The following DHTKD1 variants were observed in gnomAD, a reference collection of about 807,000 sequenced individuals.
DHTKD1 encodes the protein 2-oxoadipate dehydrogenase complex component E1.
In DHTKD1, 78 loss-of-function variants were observed where a neutral mutation model predicts 101.8. The observed-to-expected ratio is 0.77, with a 90% CI of 0.64 to 0.93. DHTKD1 has a LOEUF of 0.93. DHTKD1 is among the 40% of genes least tolerant of loss of function. The pLI is 0.00. For missense variants in DHTKD1, 1,223 were observed against 1,161.7 expected (o/e 1.05, Z -0.77); for synonymous variants, 462 against 450.3 (o/e 1.03, Z -0.33).
intron 8 of DHTKD1, among the ~76,000 whole-genome samples, chr10:12,099,723 T>A (rs1833127021): frequency 6.6e-6 from 1 of 151,628 alleles, no homozygotes; most frequent in Non-Finnish European, 1.5e-5. Context: ...ATATAATTGC[T>A]CTCCTTCTCT....
At position 12,120,182 on chromosome 10, in the gene DHTKD1, A is replaced by C; in HGVS notation, c.2573A>C (p.Asp858Ala). 2 of 1,612,992 alleles carry C rather than the reference A, an allele frequency of 1.2e-6. No homozygotes were observed. Among genetic ancestry groups the C allele is most frequent in the Non-Finnish European group, 1.7e-6 (2 of 1,179,212 alleles). ...GCTGAAAGAATTTCTTCTCTCATAGATCATATTTGGAGTCAGGAGGAACCT... is the reference window on the plus strand; with the variant it reads ...GCTGAAAGAATTTCTTCTCTCATAGCTCATATTTGGAGTCAGGAGGAACCT... ...QEMSKYKHVK[D>A]HIWSQEEPQN... Residue 858 changes from aspartate (D) to alanine (A), a missense_variant and splice_region_variant, in exon 16 of 17, where the codon GAT (aspartate) becomes GCT (alanine). Coordinates refer to ENST00000263035, the MANE Select transcript of DHTKD1 (RefSeq NM_018706.7).
Position 12,097,762 on chromosome 10 carries a change from A to T in DHTKD1, c.1437A>T (p.Glu479Asp). 1 of 1,614,166 alleles carries T rather than the reference A, an allele frequency of 6.2e-7. No homozygotes were observed. Among genetic ancestry groups the T allele is most frequent in the Non-Finnish European group, 8.5e-7 (1 of 1,180,018 alleles). The change falls in exon 8 of 17, where the codon GAA (glutamate) becomes GAT (aspartate). Residue 479 changes from glutamate (E) to aspartate (D), a missense_variant. Physicochemically the swap from Glu to Asp is conservative, Grantham distance 45 (BLOSUM62 2). Coordinates refer to ENST00000263035, the MANE Select transcript of DHTKD1 (RefSeq NM_018706.7). ...GGLMTQEEVS[E>D]IKSSYYAKLN... ...TCATGACGCAGGAGGAGGTGTCTGA[A>T]ATAAAATCCTCCTACTATGCCAAGT...
intron 12 of DHTKD1, among the ~76,000 whole-genome samples, chr10:12,112,577 C>T (rs1336778132): frequency 6.6e-6 from 1 of 152,008 alleles, no homozygotes; most frequent in East Asian, 1.9e-4. Flanking sequence ...GTGCTTCCTT[C>T]CCCTGTCTTA....
rs1245653181 is a variant in DHTKD1 at position 12,110,347 on chromosome 10, T to C, written c.2154+2332T>C. 6.6e-6 allele frequency among the ~76,000 whole-genome samples: 1 copy of C among 151,832 alleles called. No individual in the cohort carries two copies. Among genetic ancestry groups the C allele is most frequent in the African/African-American group, 2.4e-5 (1 of 41,256 alleles). On this transcript the variant is annotated intron_variant, in intron 12 of 16. Transcript: ENST00000263035. This position sits in a 1 kb window ranked among gnomAD's most constrained non-coding sequence, Gnocchi z 4.9. ...AAATTCATAAACTTTCTTAAAACAT[T>C]ATTTGTGATTTTTTTTTTTTACCTT...
At chr10:12,075,917 A>T (rs1400008972) in intron 1 of DHTKD1, among the ~76,000 whole-genome samples, 2 of 151,096 alleles carry the variant, frequency 1.3e-5, no homozygotes, top group African/African-American at 4.9e-5. Flanking sequence ...CTTTTAAAAC[A>T]ATTTTGACAG....
At chr10:12,093,811 A>T (rs1400173971) in intron 6 of DHTKD1, among the ~76,000 whole-genome samples, 2 of 152,230 alleles carry the variant, frequency 1.3e-5, no homozygotes, top group Admixed American at 6.6e-5. Context: ...TCACTCATCG[A>T]ACCTTTGCAA....
At chr10:12,097,476 G>A (rs977000463) in intron 7 of DHTKD1, among the ~76,000 whole-genome samples, 2 of 152,036 alleles carry the variant, frequency 1.3e-5, no homozygotes, top group South Asian at 2.1e-4. Context: ...GTTTCACCAC[G>A]TTGGCCAGGC....
At chr10:12,094,712 C>T (rs1018951523) in intron 7 of DHTKD1, among the ~76,000 whole-genome samples, 2 of 152,172 alleles carry the variant, frequency 1.3e-5, no homozygotes, top group Non-Finnish European at 2.9e-5. Context: ...TGGCTCACTG[C>T]AACCTCTGCC....
rs1197904169 is a variant in DHTKD1 at position 12,069,079 on chromosome 10, G to T, written c.46G>T (p.Ala16Ser). Residue 16 changes from alanine (A) to serine (S), a missense_variant, in exon 1 of 17, where the codon GCT becomes TCT. Coordinates refer to ENST00000263035, the MANE Select transcript of DHTKD1 (RefSeq NM_018706.7). ...AGCAGCACGACGGGGCCTCGGCCGG[G>T]CTCTCCCTCTCTTCTGGCGTGGCTA... is the stretch of plus-strand genomic sequence containing the variant. ...AAAARRGLGR[A>S]LPLFWRGYQT... 1 of 1,612,854 alleles carries T rather than the reference G, an allele frequency of 6.2e-7. No individual in the cohort carries two copies. The highest frequency in any genetic ancestry group is 1.3e-5 in the African/African-American group (1 of 74,990).
Position 12,087,665 on chromosome 10 carries a change from T to C in DHTKD1, c.653T>C (p.Ile218Thr). ...MSAYSGITDV[I>T]IGMPHRGRLN... ...GCCTACAGCGGGATCACTGATGTCA[T>C]TATTGGGATGCCCCATAGAGGGAGG... Residue 218 changes from isoleucine to threonine, a missense_variant, in exon 4 of 17, where the codon ATT (isoleucine) becomes ACT (threonine). Transcript: ENST00000263035. This position sits in a 1 kb window ranked among gnomAD's most constrained non-coding sequence, Gnocchi z 5.2. 6.2e-7 allele frequency: 1 copy of C among 1,613,808 alleles called. No homozygotes were observed. Among genetic ancestry groups the C allele is most frequent in the Non-Finnish European group, 8.5e-7 (1 of 1,179,902 alleles).
Position 12,088,970 on chromosome 10 carries a change from A to C in DHTKD1, c.718-16A>C, listed in dbSNP as rs1488097809. 6.3e-7 allele frequency: 1 copy of C among 1,598,554 alleles called. No homozygotes were observed. The highest frequency in any genetic ancestry group is 1.1e-5 in the South Asian group (1 of 89,710). On this transcript the variant is annotated splice_polypyrimidine_tract_variant and intron_variant, in intron 4 of 16. Transcript: ENST00000263035. ...GATGAATGCCATTTTTTTCCTTTTG[A>C]ATGTATCCACAATAGCTGATGTTCC...
intron 13 of DHTKD1, 117 bp from the exon 14 acceptor site, chr10:12,117,556 G>A: frequency 2.9e-6 from 2 of 695,332 alleles, no homozygotes; most frequent in South Asian, 1.6e-5. Flanking sequence ...TAGGACATGG[G>A]TCTCCTTGCA....
intron 14 of DHTKD1, 52 bp downstream of exon 14, chr10:12,117,807 G>T (rs757556997): frequency 1.1e-6 from 1 of 947,488 alleles, no homozygotes; most frequent in East Asian, 2.7e-5. Context: ...TTAATTAATG[G>T]GAAAAGTAGT....
intron 6 of DHTKD1, among the ~76,000 whole-genome samples, chr10:12,093,597 T>TGG (rs1341010243): frequency 6.6e-6 from 1 of 152,252 alleles, no homozygotes; most frequent in Non-Finnish European, 1.5e-5. Flanking sequence ...CAGCCTGGAC[T>TGG]GGATGCCTCT....
At position 12,094,218 on chromosome 10, in the gene DHTKD1, C is replaced by T. The variant is rs1466541668; in HGVS notation, c.1305C>T (p.His435=). ...IDLLCYRQWG[H]NELDEPFYTN... ...TGTTGTGCTACAGGCAGTGGGGCCA[C>T]AATGAGCTGGATGAGCCATTCTACA... Residue 435 remains histidine (H), a synonymous_variant, in exon 7 of 17, where the codon CAC becomes CAT. Transcript: ENST00000263035. 2 of 1,614,158 alleles carry T rather than the reference C, an allele frequency of 1.2e-6. No individual in the cohort carries two copies. Among genetic ancestry groups the T allele is most frequent in the Admixed American group, 1.7e-5 (1 of 59,996 alleles).
intron 1 of DHTKD1, among the ~76,000 whole-genome samples, chr10:12,074,417 A>G (rs891225775): frequency 4.0e-5 from 6 of 150,826 alleles, no homozygotes; most frequent in Admixed American, 6.6e-5. Flanking sequence ...GTGCAGTGGC[A>G]CGATCTCTGC....
At position 12,087,591 on chromosome 10, in the gene DHTKD1, A is replaced by T; in HGVS notation, c.579A>T (p.Glu193Asp). Reference protein sequence around the residue: ...KFSTVKRYGGEGAESMMGFFH... With the variant: ...KFSTVKRYGGDGAESMMGFFH... ...CGACAGTGAAGCGATATGGAGGCGA[A>T]GGGGCTGAAAGCATGATGGGCTTTT... The change falls in exon 4 of 17, where the codon GAA becomes GAT. Residue 193 changes from glutamate to aspartate, a missense_variant. By Grantham distance (45) the Glu-to-Asp change is conservative. Coordinates refer to ENST00000263035, the MANE Select transcript of DHTKD1 (RefSeq NM_018706.7). The surrounding 1 kb of genome is among the most constrained non-coding windows in gnomAD (Gnocchi z 5.2). The T allele has an allele frequency of 6.2e-7, 1 of 1,613,432 alleles. No individual in the cohort carries two copies. The highest frequency in any genetic ancestry group is 8.5e-7 in the Non-Finnish European group (1 of 1,179,804).
chr10:12,100,287 G>GTTTTTTTTTTTTTTGTTTT, intron 9 of DHTKD1, 25 bp downstream of exon 9: 1 of 269,862 alleles, frequency 3.7e-6, no homozygotes, highest in Non-Finnish European at 6.1e-6. Flanking sequence ...TTTTTTTTCT[G>GTTTTTTTTTTTTTTGTTTT]TTTTTTTTTT....
chr10:12,072,139 C>T (rs1225277197), intron 1 of DHTKD1, among the ~76,000 whole-genome samples: 2 of 152,088 alleles, frequency 1.3e-5, no homozygotes, highest in Non-Finnish European at 1.5e-5. Flanking sequence ...ATGACCACAT[C>T]ATTCACTAAG....
Sources: allele counts gnomAD v4.1 joint callset (sites outside exome capture counted in the v4.1 genomes callset), GRCh38; gene constraint gnomAD v4.1.1; non-coding constraint Gnocchi (gnomAD v3.1); transcripts MANE v1.5; gene names NCBI Gene and HGNC (gene_info 2026-07-23, HGNC 2026-07-21).